The following CHST1 variants were observed in gnomAD, a reference collection of about 807,000 sequenced individuals.
The protein encoded by CHST1 is carbohydrate sulfotransferase 1.
A neutral mutation model predicts 22.5 loss-of-function variants in CHST1; 10 were observed. The observed-to-expected ratio is 0.44, with a 90% CI of 0.27 to 0.75. The LOEUF is 0.75. Among genes scored for constraint, CHST1 ranks in the 30% least tolerant of loss-of-function variants. The pLI is 0.15. For missense variants in CHST1, 439 were observed against 576.1 expected (o/e 0.76, Z 2.44); for synonymous variants, 267 against 264.5 (o/e 1.01, Z -0.09).
intron 1 of CHST1, among the ~76,000 whole-genome samples, chr11:45,655,693 G>C (rs1158831170): frequency 2.0e-5 from 3 of 152,348 alleles, no homozygotes; most frequent in Non-Finnish European, 4.4e-5. Context: ...CTCATCTCAT[G>C]GTGCTCTGGC....
In CHST1 at chr11:45,650,432, A is replaced by C. The variant is rs1239404418; in HGVS notation, c.492T>G (p.Pro164=). 1.6e-5 allele frequency: 25 copies of C among 1,609,634 alleles called. No individual in the cohort carries two copies. Among genetic ancestry groups the C allele is most frequent in the Middle Eastern group, 1.7e-4 (1 of 6,054 alleles). The change falls in exon 4 of 4, where the codon CCT becomes CCG. Residue 164 remains proline (P), a synonymous_variant. Transcript: ENST00000308064. The stretch of plus-strand genomic sequence containing the variant: ...CGGCTGGCCCCGGAGGGTCGCACAC[A>C]GGCCGGGAGCAGAGGACCCGGCTGG... ...RGASRVLCSR[P]VCDPPGPADL...
intron 1 of CHST1, among the ~76,000 whole-genome samples, chr11:45,656,533 C>T (rs1852064135): frequency 6.6e-6 from 1 of 152,174 alleles, no homozygotes; most frequent in South Asian, 2.1e-4. Flanking sequence ...GGAGATGTCC[C>T]AGAGGGAGGG....
At position 45,649,690 on chromosome 11, in the gene CHST1, A is replaced by G; in HGVS notation, c.1234T>C (p.Ter412ArgextTer22). Reference protein sequence around the residue: ...VEERDFRPFS* With the variant: ...VEERDFRPFSR ...CGCCCCCACCCGCACCGCCCGGGTC[A>G]CGAGAAGGGGCGGAAGTCCCGCTCC... The change falls in exon 4 of 4, where the codon TGA (stop) becomes CGA (arginine). Residue 412 changes from the stop codon to arginine (R), a stop_lost. Transcript: ENST00000308064. 2 of 1,561,118 alleles carry G rather than the reference A, an allele frequency of 1.3e-6. No individual in the cohort carries two copies. Among genetic ancestry groups the G allele is most frequent in the Non-Finnish European group, 1.7e-6 (2 of 1,157,714 alleles).
intron 1 of CHST1, among the ~76,000 whole-genome samples, chr11:45,659,408 G>A (rs925355813): frequency 5.9e-5 from 9 of 152,088 alleles, no homozygotes; most frequent in African/African-American, 1.2e-4. Context: ...CATTGGTGCC[G>A]ATCTCGATCA....
Position 45,665,338 on chromosome 11 carries a change from C to G in CHST1, c.-387G>C, listed in dbSNP as rs540781513. On this transcript the variant is annotated 5_prime_UTR_variant, in exon 1 of 4. Coordinates refer to ENST00000308064, the MANE Select transcript of CHST1 (RefSeq NM_003654.6). This position sits in a 1 kb window ranked among gnomAD's most constrained non-coding sequence, Gnocchi z 4.0. ...CTCCTCCTCGGCCTCCCTCCTCCCT[C>G]CTCTTCCTCCGACTCCGCGCGCGCC... The G allele has an allele frequency of 5.3e-4, 80 of 151,974 alleles. No homozygotes were observed. The highest frequency in any genetic ancestry group is 1.9e-3 in the African/African-American group (79 of 41,484). 9.4% of individuals were successfully genotyped at this position (151,974 alleles called of 1,614,324 possible). A position where few individuals can be genotyped will look rare whatever the true frequency, so the allele number is the denominator to read the frequency against.
At chr11:45,657,271 G>A (rs577763170) in intron 1 of CHST1, among the ~76,000 whole-genome samples, 4 of 150,742 alleles carry the variant, frequency 2.7e-5, no homozygotes, top group Admixed American at 1.3e-4. Flanking sequence ...ACAGCAAGGC[G>A]TTTTTCTTCC....
chr11:45,661,597 A>G (rs1852134325), intron 1 of CHST1, among the ~76,000 whole-genome samples: 1 of 152,214 alleles, frequency 6.6e-6, no homozygotes, highest in African/African-American at 2.4e-5. Context: ...AGAGGCTACA[A>G]CTAGCTTGGG....
chr11:45,654,428 G>A (rs1271805254), intron 1 of CHST1, among the ~76,000 whole-genome samples: 1 of 152,272 alleles, frequency 6.6e-6, no homozygotes, highest in Admixed American at 6.5e-5. Context: ...ATGGGAACGG[G>A]AAGATGGGGG....
In CHST1 at chr11:45,660,781, G is replaced by A. The variant is rs539795414; in HGVS notation, c.-227+4397C>T. On this transcript the variant is annotated intron_variant, in intron 1 of 3. Coordinates refer to ENST00000308064, the MANE Select transcript of CHST1 (RefSeq NM_003654.6). ...CCTCCTCCCCAAGTGCCCAGCTTGG[G>A]GCCCCCCACACACTGCAGGGACTCA... is the stretch of plus-strand genomic sequence containing the variant. 5.9e-5 allele frequency among the ~76,000 whole-genome samples: 9 copies of A among 152,178 alleles called. No homozygotes were observed. In the South Asian group the frequency reaches 1.9e-3, roughly 32 times the overall value.
rs578018157 is a variant in CHST1, at chr11:45,663,315, G to A, written c.-227+1863C>T. ...TGACACACACCCCTCTATCAGTGTC[G>A]TCAGCACCACCCTTGCCCAGGAGCT... On this transcript the variant is annotated intron_variant, in intron 1 of 3. Coordinates refer to ENST00000308064, the MANE Select transcript of CHST1 (RefSeq NM_003654.6). 6.5e-4 allele frequency among the ~76,000 whole-genome samples: 99 copies of A among 152,218 alleles called. 1 individual carries two copies. In the South Asian group the frequency reaches 0.019, roughly 29 times the overall value.
At position 45,648,086 on chromosome 11, in the gene CHST1, C is replaced by A. The variant is rs1169367555; in HGVS notation, c.*1602G>T. Among the ~76,000 whole-genome samples the A allele has an allele frequency of 2.0e-5, 3 of 152,194 alleles. No homozygotes were observed. Among genetic ancestry groups the A allele is most frequent in the Non-Finnish European group, 4.4e-5 (3 of 68,044 alleles). On this transcript the variant is annotated 3_prime_UTR_variant, in exon 4 of 4. Coordinates refer to ENST00000308064, the MANE Select transcript of CHST1 (RefSeq NM_003654.6). ...TTGCCACGAAGGGAAGGGGAGGAAG[C>A]ACAGCAGATTCTCTGCCAGTGTAGA... is the stretch of plus-strand genomic sequence containing the variant.
chr11:45,650,643 T>A lies in CHST1; in HGVS notation c.281A>T (p.Tyr94Phe). The A allele has an allele frequency of 3.7e-6, 6 of 1,614,026 alleles. No homozygotes were observed. Among genetic ancestry groups the A allele is most frequent in the Non-Finnish European group, 5.1e-6 (6 of 1,179,998 alleles). ...LDVFYLFEPLYHVQNTLIPRF... is the reference protein window; with the variant it reads ...LDVFYLFEPLFHVQNTLIPRF... Reference sequence around the variant, plus strand: ...GGGGATGAGCGTGTTCTGGACGTGGTAGAGGGGCTCAAACAGGTAGAAGAC... The same window carrying A: ...GGGGATGAGCGTGTTCTGGACGTGGAAGAGGGGCTCAAACAGGTAGAAGAC... Residue 94 changes from tyrosine to phenylalanine, a missense_variant, in exon 4 of 4, where the codon TAC (tyrosine) becomes TTC (phenylalanine). Tyr to Phe is a conservative substitution (Grantham distance 22). Coordinates refer to ENST00000308064, the MANE Select transcript of CHST1 (RefSeq NM_003654.6).
At chr11:45,661,750 C>T (rs941444331) in intron 1 of CHST1, among the ~76,000 whole-genome samples, 1 of 152,226 alleles carries the variant, frequency 6.6e-6, no homozygotes, top group African/African-American at 2.4e-5. Flanking sequence ...AGCTGAAGCC[C>T]ATCTTCCAGG....
chr11:45,664,841 C>T (rs577474194), intron 1 of CHST1, among the ~76,000 whole-genome samples: 43 of 152,176 alleles, frequency 2.8e-4, no homozygotes, highest in Non-Finnish European at 5.6e-4. Flanking sequence ...CCAGGCGGGT[C>T]GTGGGACGGT....
chr11:45,657,934 T>C (rs773338127), intron 1 of CHST1, among the ~76,000 whole-genome samples: 1 of 152,202 alleles, frequency 6.6e-6, no homozygotes, highest in Non-Finnish European at 1.5e-5. Context: ...AGTCATGGTT[T>C]CCAAGACAAG....
In CHST1 at chr11:45,650,414, C is replaced by A; in HGVS notation, c.510G>T (p.Gly170=). 6.2e-7 allele frequency: 1 copy of A among 1,607,004 alleles called. No homozygotes were observed. Among genetic ancestry groups the A allele is most frequent in the Non-Finnish European group, 8.5e-7 (1 of 1,179,716 alleles). Residue 170 remains glycine, a synonymous_variant, in exon 4 of 4, where the codon GGG becomes GGT. Coordinates refer to ENST00000308064, the MANE Select transcript of CHST1 (RefSeq NM_003654.6). The part of the protein sequence containing the change: ...LCSRPVCDPP[G]PADLVLEEGD... ...CCTCCTCCAGGACCAGGTCGGCTGG[C>A]CCCGGAGGGTCGCACACAGGCCGGG...
chr11:45,659,880 C>G (rs895443897), intron 1 of CHST1, among the ~76,000 whole-genome samples: 4 of 152,202 alleles, frequency 2.6e-5, no homozygotes, highest in Non-Finnish European at 4.4e-5. Flanking sequence ...CCAGTTGAGG[C>G]TTCCCTGCTC....
chr11:45,658,367 T>C (rs899264248), intron 1 of CHST1, among the ~76,000 whole-genome samples: 2 of 152,186 alleles, frequency 1.3e-5, no homozygotes, highest in Non-Finnish European at 2.9e-5. Flanking sequence ...GCCATGACCA[T>C]GATTTTTATG....
chr11:45,648,589 G>A lies in CHST1; in HGVS notation c.*1099C>T, dbSNP rs1234320013. ...ACCTGTAGTCCCAGTCACTCGGGAG[G>A]CTGAGGCGGGAGAACTGCTTGAACC... On this transcript the variant is annotated 3_prime_UTR_variant, in exon 4 of 4. Coordinates refer to ENST00000308064, the MANE Select transcript of CHST1 (RefSeq NM_003654.6). 6.6e-6 allele frequency among the ~76,000 whole-genome samples: 1 copy of A among 152,148 alleles called. No individual in the cohort carries two copies. Among genetic ancestry groups the A allele is most frequent in the Non-Finnish European group, 1.5e-5 (1 of 68,032 alleles).
Sources: gnomAD v4.1 joint callset for allele counts (sites outside exome capture counted in the v4.1 genomes callset) on GRCh38, gnomAD v4.1.1 for gene constraint, Gnocchi (gnomAD v3.1) non-coding constraint, MANE v1.5 for transcripts, NCBI Gene and HGNC (gene_info 2026-07-23, HGNC 2026-07-21) for gene names.